The following SEMA5A variants were observed in gnomAD, a reference collection of about 807,000 sequenced individuals.
SEMA5A encodes semaphorin 5A, also known as semaphorin-5A.
Under a neutral mutation model 135.5 loss-of-function variants are expected in SEMA5A, and 55 were observed. The ratio of observed to expected loss-of-function variants is 0.41; its 90% confidence interval spans 0.33 to 0.51. SEMA5A has a LOEUF of 0.51. Ranked by LOEUF, SEMA5A falls within the 20% of genes least tolerant of loss-of-function variation. The probability of loss-of-function intolerance (pLI) is 0.37; values close to 1 mark genes in which losing one functional copy is unlikely to be tolerated. For missense variants in SEMA5A, 1,290 were observed against 1,419.9 expected (o/e 0.91, Z 1.47); for synonymous variants, 580 against 546.5 (o/e 1.06, Z -0.85).
At position 9,379,939 on chromosome 5, in the gene SEMA5A, C is replaced by A; in HGVS notation, c.8G>T (p.Gly3Val). ...GAACAGCCATGCTATAACACAGGTTCCCTTCATGGTGGGCAAGGGGCCTCT... is the reference window on the plus strand; with the variant it reads ...GAACAGCCATGCTATAACACAGGTTACCTTCATGGTGGGCAAGGGGCCTCT... Reference protein sequence around the residue: MKGTCVIAWLFSS... With the variant: MKVTCVIAWLFSS... Residue 3 changes from glycine (G) to valine (V), a missense_variant, in exon 3 of 23, where the codon GGA becomes GTA. Coordinates refer to ENST00000382496, the MANE Select transcript of SEMA5A (RefSeq NM_003966.3). 6.2e-7 allele frequency: 1 copy of A among 1,611,126 alleles called. No individual in the cohort carries two copies. Among genetic ancestry groups the A allele is most frequent in the Non-Finnish European group, 8.5e-7 (1 of 1,178,342 alleles).
intron 5 of SEMA5A, among the ~76,000 whole-genome samples, chr5:9,278,264 CT>C (rs1225408196): frequency 2.6e-5 from 4 of 152,018 alleles, no homozygotes; most frequent in Admixed American, 2.6e-4. Flanking sequence ...GAACTTTGAA[CT>C]TGAGAGAGAT....
At chr5:9,289,492 C>T (rs111864005) in intron 5 of SEMA5A, among the ~76,000 whole-genome samples, 4,531 of 151,624 alleles carry the variant, frequency 0.03, 232 homozygotes, top group African/African-American at 0.1. Context: ...GGTGAAACCC[C>T]GTCTCTACAA....
chr5:9,385,842 C>T (rs528405011), intron 2 of SEMA5A, among the ~76,000 whole-genome samples: 1 of 128,700 alleles, frequency 7.8e-6, no homozygotes, highest in East Asian at 2.2e-4. Context: ...AGTTCTGTTG[C>T]CCAAGCTGGA....
intron 1 of SEMA5A, among the ~76,000 whole-genome samples, chr5:9,540,371 C>T (rs185699517): frequency 6.6e-6 from 1 of 150,742 alleles, no homozygotes; most frequent in East Asian, 2.0e-4. Context: ...GGGTGGATCA[C>T]GAGGTCAGGA....
chr5:9,282,585 T>C (rs192291987), intron 5 of SEMA5A, among the ~76,000 whole-genome samples: 202 of 152,310 alleles, frequency 1.3e-3, no homozygotes, highest in Middle Eastern at 3.4e-3. Flanking sequence ...AAATCCTAAA[T>C]ACTTTTTCTA....
chr5:9,258,712 A>C (rs1021667234), intron 5 of SEMA5A, among the ~76,000 whole-genome samples: 1 of 151,536 alleles, frequency 6.6e-6, no homozygotes, highest in Non-Finnish European at 1.5e-5. Flanking sequence ...GCTTACAAAT[A>C]GCATTTAATC....
chr5:9,125,182 A>G (rs886651840), intron 13 of SEMA5A, among the ~76,000 whole-genome samples: 4 of 152,140 alleles, frequency 2.6e-5, no homozygotes, highest in African/African-American at 9.7e-5. Context: ...AATTATGACT[A>G]TCCCTCCTTT....
chr5:9,333,186 CA>C (rs1310580913), intron 4 of SEMA5A, among the ~76,000 whole-genome samples: 1 of 152,112 alleles, frequency 6.6e-6, no homozygotes, highest in Non-Finnish European at 1.5e-5. Context: ...TTAGAAAAAT[CA>C]CATTTTGAAG....
intron 16 of SEMA5A, among the ~76,000 whole-genome samples, chr5:9,083,818 A>G (rs919245854): frequency 6.6e-6 from 1 of 152,236 alleles, no homozygotes; most frequent in African/African-American, 2.4e-5. Context: ...TTAGTGTTAC[A>G]TAACACTAGC....
intron 4 of SEMA5A, among the ~76,000 whole-genome samples, chr5:9,323,525 A>G (rs1303432878): frequency 6.6e-6 from 1 of 152,162 alleles, no homozygotes; most frequent in East Asian, 1.9e-4. Context: ...ACTATTTATC[A>G]TCTTACACAG....
At position 9,413,304 on chromosome 5, in the gene SEMA5A, T is replaced by C. The variant is rs148336873; in HGVS notation, c.-78+24452A>G. ...CAAACGTAACCATCTACACTAGATA[T>C]ATATGGCATTAATCAGAAATAAAGA... On this transcript the variant is annotated intron_variant, in intron 2 of 22. Coordinates refer to ENST00000382496, the MANE Select transcript of SEMA5A (RefSeq NM_003966.3). Among the ~76,000 whole-genome samples the C allele has an allele frequency of 3.3e-5, 5 of 152,336 alleles. No homozygotes were observed. The East Asian group carries it at 7.7e-4, about 23-fold the overall frequency.
chr5:9,053,876 G>A (rs1234495952), intron 19 of SEMA5A: 2 of 479,670 alleles, frequency 4.2e-6, no homozygotes, highest in Non-Finnish European at 7.0e-6. Flanking sequence ...TAAAGGCTTT[G>A]AACACGAGTT....
intron 11 of SEMA5A, among the ~76,000 whole-genome samples, chr5:9,180,374 G>GA (rs1744436624): frequency 1.3e-5 from 2 of 152,086 alleles, no homozygotes; most frequent in African/African-American, 4.8e-5. Context: ...TATCAAAGAA[G>GA]CACTCAAATT....
intron 1 of SEMA5A, among the ~76,000 whole-genome samples, chr5:9,479,842 G>C (rs572411647): frequency 6.6e-6 from 1 of 152,216 alleles, no homozygotes; most frequent in Non-Finnish European, 1.5e-5. Flanking sequence ...GTGATGATAA[G>C]AGAAGGCTAC....
At chr5:9,293,010 T>G (rs1028767678) in intron 5 of SEMA5A, among the ~76,000 whole-genome samples, 7 of 152,202 alleles carry the variant, frequency 4.6e-5, no homozygotes, top group African/African-American at 1.7e-4. Flanking sequence ...TCGAGGCGTT[T>G]CTTCTGCCCT....
At chr5:9,113,208 A>G (rs981509951) in intron 15 of SEMA5A, among the ~76,000 whole-genome samples, 2 of 152,244 alleles carry the variant, frequency 1.3e-5, no homozygotes, top group African/African-American at 2.4e-5. Context: ...TAATGTTATT[A>G]TATAACAACT....
chr5:9,063,733 C>T (rs1240801714), intron 17 of SEMA5A, among the ~76,000 whole-genome samples: 4 of 152,170 alleles, frequency 2.6e-5, no homozygotes, highest in Non-Finnish European at 5.9e-5. Flanking sequence ...CACTACCTAA[C>T]AAAATGTGTT....
chr5:9,216,540 T>G (rs1579634419), intron 8 of SEMA5A, among the ~76,000 whole-genome samples: 1 of 152,344 alleles, frequency 6.6e-6, no homozygotes, highest in East Asian at 1.9e-4. Context: ...TGAATATCTT[T>G]GTTAATTTTG....
At chr5:9,405,268 G>C (rs781514604) in intron 2 of SEMA5A, among the ~76,000 whole-genome samples, 3 of 152,100 alleles carry the variant, frequency 2.0e-5, no homozygotes, top group Non-Finnish European at 4.4e-5. Flanking sequence ...AAATTCCCCA[G>C]GAATCTCACC....
Sources: gnomAD v4.1 joint callset for allele counts (sites outside exome capture counted in the v4.1 genomes callset) on GRCh38, gnomAD v4.1.1 for gene constraint, MANE v1.5 for transcripts, NCBI Gene and HGNC (gene_info 2026-07-23, HGNC 2026-07-21) for gene names.